ZNF169: variants seen among roughly 807,000 people sequenced by gnomAD.
ZNF169 encodes zinc finger protein 169.
In ZNF169, 11 loss-of-function variants were observed where a neutral mutation model predicts 12.0. The observed-to-expected ratio is 0.92, with a 90% CI of 0.58 to 1.52. ZNF169 has a LOEUF of 1.52. Among genes scored for constraint, ZNF169 ranks in the 40% most tolerant of loss-of-function variants. The probability of loss-of-function intolerance (pLI) is 0.00; values close to 1 mark genes in which losing one functional copy is unlikely to be tolerated. For synonymous variants in ZNF169, 302 were observed against 286.5 expected, an observed-to-expected ratio of 1.05 and a Z score of -0.55; for missense variants, 722 against 744.0, an observed-to-expected ratio of 0.97 and a Z score of 0.34.
Position 94,259,304 on chromosome 9 carries a change from GC to G in ZNF169, c.-96del, listed in dbSNP as rs1297384129. 3 of 152,188 alleles carry G rather than the reference GC, an allele frequency of 2.0e-5. No individual in the cohort carries two copies. Among genetic ancestry groups the G allele is most frequent in the Non-Finnish European group, 2.9e-5 (2 of 68,108 alleles). The allele number at this position is 152,188 out of a possible 1,614,324, so 9.4% of individuals were successfully genotyped here. A position where few individuals can be genotyped will look rare whatever the true frequency, so the allele number is the denominator to read the frequency against. ...TAGTTCCGTGCCCAGGGGCAGTCCGGCTCGCGTACTTCCGCGTTCCGGCATC... is the reference window on the plus strand; with the variant it reads ...TAGTTCCGTGCCCAGGGGCAGTCCGGTCGCGTACTTCCGCGTTCCGGCATC... On this transcript the variant is annotated 5_prime_UTR_variant, in exon 1 of 5. Transcript: ENST00000395395.
intron 2 of ZNF169, chr9:94,288,079 C>T: frequency 1.3e-6 from 1 of 795,060 alleles, no homozygotes; most frequent in Non-Finnish European, 2.3e-6. Context: ...TTTGCATTCT[C>T]AAAATTCATC....
chr9:94,265,781 A>G (rs2118546320), intron 1 of ZNF169, among the ~76,000 whole-genome samples: 1 of 152,240 alleles, frequency 6.6e-6, no homozygotes, highest in South Asian at 2.1e-4. Flanking sequence ...GATTACCCTT[A>G]TCTTATCTCC....
intron 4 of ZNF169, chr9:94,299,504 A>G: frequency 1.6e-6 from 2 of 1,270,538 alleles, no homozygotes; most frequent in Non-Finnish European, 9.9e-7. Flanking sequence ...AATGTTTCTC[A>G]GGCAAGGTTT....
In ZNF169 at chr9:94,299,975, A is replaced by G; in HGVS notation, c.417A>G (p.Glu139=). 2 of 1,614,170 alleles carry G rather than the reference A, an allele frequency of 1.2e-6. No homozygotes were observed. The highest frequency in any genetic ancestry group is 1.7e-6 in the Non-Finnish European group (2 of 1,180,032). Reference sequence around the variant, plus strand: ...TAGAAGCTCCAAGATGCTCTAGTGAAAAAGGAGAAAGTGGAGAGACAGAAG... The same window carrying G: ...TAGAAGCTCCAAGATGCTCTAGTGAGAAAGGAGAAAGTGGAGAGACAGAAG... ...FQLEAPRCSS[E]KGESGETEGP... The change falls in exon 5 of 5, where the codon GAA becomes GAG. Residue 139 remains glutamate (E), a synonymous_variant. Transcript: ENST00000395395.
chr9:94,295,236 G>GA (rs1445801667), intron 4 of ZNF169: 1 of 152,170 alleles, frequency 6.6e-6, no homozygotes, highest in East Asian at 1.9e-4. Context: ...GCTGAGGAGT[G>GA]AGAATCGCTT....
At chr9:94,262,132 A>G (rs1462353286) in intron 1 of ZNF169, among the ~76,000 whole-genome samples, 1 of 152,126 alleles carries the variant, frequency 6.6e-6, no homozygotes, top group Non-Finnish European at 1.5e-5. Context: ...CTGGCATGGT[A>G]TATCTCAACT....
intron 1 of ZNF169, among the ~76,000 whole-genome samples, chr9:94,265,977 T>C (rs1188602005): frequency 2.6e-5 from 4 of 151,244 alleles, no homozygotes; most frequent in Non-Finnish European, 5.9e-5. Flanking sequence ...TCTCAGCTAC[T>C]CAGGAGGGTG....
At chr9:94,277,067 A>G (rs558107132) in intron 1 of ZNF169, among the ~76,000 whole-genome samples, 1 of 152,340 alleles carries the variant, frequency 6.6e-6, no homozygotes, top group African/African-American at 2.4e-5. Flanking sequence ...AAACATAAAT[A>G]CATTTAAGAA....
chr9:94,261,443 C>T (rs1830207602), intron 1 of ZNF169, among the ~76,000 whole-genome samples: 1 of 152,200 alleles, frequency 6.6e-6, no homozygotes, highest in African/African-American at 2.4e-5. Flanking sequence ...CGGCCAAGAC[C>T]TACTCTTATT....
chr9:94,268,844 T>C (rs1830339118), intron 1 of ZNF169, among the ~76,000 whole-genome samples: 1 of 151,902 alleles, frequency 6.6e-6, no homozygotes, highest in African/African-American at 2.4e-5. Context: ...TATGTTTTCC[T>C]AAAAACCCCA....
intron 2 of ZNF169, among the ~76,000 whole-genome samples, chr9:94,280,557 C>T (rs905905069): frequency 1.3e-5 from 2 of 152,162 alleles, no homozygotes; most frequent in South Asian, 2.1e-4. Context: ...TGCAAAGAAA[C>T]AGCATTCAAA....
intron 4 of ZNF169, chr9:94,293,867 C>T (rs1830897530): frequency 1.3e-5 from 2 of 152,200 alleles, no homozygotes; most frequent in South Asian, 2.1e-4. Context: ...CAGCCCTGTA[C>T]CCTAAGAGAT....
chr9:94,263,796 C>T (rs1352873252), intron 1 of ZNF169, among the ~76,000 whole-genome samples: 1 of 150,592 alleles, frequency 6.6e-6, no homozygotes, highest in Non-Finnish European at 1.5e-5. Context: ...TTTTTTCTTC[C>T]CCTGTTCCTA....
intron 4 of ZNF169, chr9:94,293,530 G>T (rs1159535627): frequency 8.2e-6 from 2 of 245,118 alleles, no homozygotes; most frequent in Middle Eastern, 1.5e-3. Flanking sequence ...GATTTCTCCT[G>T]CCTCACCCTC....
At chr9:94,279,200 T>C (rs1830577164) in intron 2 of ZNF169, among the ~76,000 whole-genome samples, 1 of 151,970 alleles carries the variant, frequency 6.6e-6, no homozygotes, top group South Asian at 2.1e-4. Context: ...GAGGGCAGCC[T>C]GGCCAACATG....
chr9:94,269,688 G>C (rs761711625), intron 1 of ZNF169, among the ~76,000 whole-genome samples: 1 of 152,044 alleles, frequency 6.6e-6, no homozygotes. Flanking sequence ...TTCTGTAACC[G>C]GTTACAGGGA....
chr9:94,281,982 GGGAA>G (rs1256415288), intron 2 of ZNF169, among the ~76,000 whole-genome samples: 1 of 152,048 alleles, frequency 6.6e-6, no homozygotes, highest in Non-Finnish European at 1.5e-5. Context: ...TCCTGGATCT[GGGAA>G]GGAAGGAAGG....
intron 2 of ZNF169, among the ~76,000 whole-genome samples, chr9:94,291,240 G>A (rs1051027209): frequency 1.4e-4 from 21 of 151,798 alleles, no homozygotes; most frequent in African/African-American, 5.1e-4. Flanking sequence ...TTTTGGTAGA[G>A]ATGGTGTTTT....
At chr9:94,265,811 G>A (rs1830282391) in intron 1 of ZNF169, among the ~76,000 whole-genome samples, 2 of 152,042 alleles carry the variant, frequency 1.3e-5, no homozygotes, top group Admixed American at 1.3e-4. Flanking sequence ...ATGGAGGCTT[G>A]GGGAGTTCCC....
Sources: allele counts gnomAD v4.1 joint callset (sites outside exome capture counted in the v4.1 genomes callset), GRCh38; gene constraint gnomAD v4.1.1; transcripts MANE v1.5; gene names NCBI Gene and HGNC (gene_info 2026-07-23, HGNC 2026-07-21).